KLHDC1: variants seen among roughly 807,000 people sequenced by gnomAD.
KLHDC1 encodes kelch domain containing 1.
KLHDC1 carries 53 observed loss-of-function variants against 68.3 expected under a neutral mutation model. That is an observed-to-expected ratio of 0.78 (90% confidence interval 0.62 to 0.98). The LOEUF (loss-of-function observed/expected upper bound fraction) is 0.98. Ranked by LOEUF, KLHDC1 falls within the 50% of genes least tolerant of loss-of-function variation. The pLI is 0.00. For missense variants in KLHDC1, 470 were observed against 492.3 expected (o/e 0.95, Z 0.43); for synonymous variants, 148 against 159.0 (o/e 0.93, Z 0.52).
At chr14:49,717,442 G>A (rs1888408830) in intron 4 of KLHDC1, among the ~76,000 whole-genome samples, 1 of 152,046 alleles carries the variant, frequency 6.6e-6, no homozygotes, top group Non-Finnish European at 1.5e-5. Flanking sequence ...ATTTCATTGT[G>A]GTTTTGATTT....
chr14:49,743,803 C>G lies in KLHDC1; in HGVS notation c.1032C>G (p.Leu344=). The change falls in exon 12 of 13, where the codon CTC becomes CTG. Residue 344 remains leucine (L), a splice_region_variant and synonymous_variant. Transcript: ENST00000359332. The part of the protein sequence containing the change: ...LIFQTQPYSL[L]RSCLDCIGKN... ...TTCAAACACAGCCTTATTCACTACT[C>G]AGGTAAGCAAATTTAATATTTTCTA... 6.5e-7 allele frequency: 1 copy of G among 1,534,056 alleles called. No individual in the cohort carries two copies. The highest frequency in any genetic ancestry group is 9.0e-7 in the Non-Finnish European group (1 of 1,113,300).
chr14:49,709,100 C>T, intron 1 of KLHDC1, 59 bp from the exon 2 acceptor site: 1 of 713,158 alleles, frequency 1.4e-6, no homozygotes, highest in Non-Finnish European at 2.4e-6. Flanking sequence ...TCCTGAGAAG[C>T]TGTGTAACTG....
intron 11 of KLHDC1, among the ~76,000 whole-genome samples, chr14:49,742,856 C>T (rs1159164847): frequency 6.6e-6 from 1 of 151,520 alleles, no homozygotes; most frequent in Non-Finnish European, 1.5e-5. Flanking sequence ...AGGCTGAGGC[C>T]GGCAGACTGC....
At chr14:49,713,832 ATATATATATATATATATATTTTTT>A (rs1415794824) in intron 4 of KLHDC1, among the ~76,000 whole-genome samples, 2 of 1,960 alleles carry the variant, frequency 1.0e-3, no homozygotes, top group East Asian at 0.025. Flanking sequence ...ATATATATAT[ATATATATATATATATATATTTTTT>A]TTTTTTTTTT....
intron 1 of KLHDC1, among the ~76,000 whole-genome samples, chr14:49,694,927 C>G (rs1250290942): frequency 3.3e-5 from 5 of 152,152 alleles, no homozygotes. Context: ...ATTATCTGAG[C>G]CTTCAGCGAG....
chr14:49,711,740 T>A (rs749815363), intron 4 of KLHDC1, among the ~76,000 whole-genome samples: 3 of 152,078 alleles, frequency 2.0e-5, no homozygotes, highest in Non-Finnish European at 4.4e-5. Context: ...GTTTTCTTCA[T>A]TGCTAATTAT....
intron 1 of KLHDC1, among the ~76,000 whole-genome samples, chr14:49,705,537 T>G (rs1193192452): frequency 2.0e-5 from 3 of 151,478 alleles, no homozygotes; most frequent in Non-Finnish European, 4.4e-5. Context: ...CCTGGCTAAT[T>G]TTTTTGTATT....
chr14:49,704,365 T>C (rs1036781676), intron 1 of KLHDC1, among the ~76,000 whole-genome samples: 20 of 150,572 alleles, frequency 1.3e-4, no homozygotes, highest in Admixed American at 4.0e-4. Context: ...ATAGCTTGTC[T>C]TTTTATTTTT....
At chr14:49,715,765 A>AAAATATATAT (rs1888360062) in intron 4 of KLHDC1, among the ~76,000 whole-genome samples, 1 of 51,396 alleles carries the variant, frequency 1.9e-5, no homozygotes, top group African/African-American at 9.2e-5. Flanking sequence ...AAAAAAAAAA[A>AAAATATATAT]ATATATATAT....
At chr14:49,703,054 T>C (rs1887951841) in intron 1 of KLHDC1, among the ~76,000 whole-genome samples, 1 of 151,172 alleles carries the variant, frequency 6.6e-6, no homozygotes, top group Non-Finnish European at 1.5e-5. Flanking sequence ...AAATTTTATT[T>C]ACTTAATTTT....
At chr14:49,735,592 T>A (rs1310770814) in intron 10 of KLHDC1, among the ~76,000 whole-genome samples, 1 of 152,126 alleles carries the variant, frequency 6.6e-6, no homozygotes, top group African/African-American at 2.4e-5. Context: ...ACTTTAACAT[T>A]TCTGGCTCTT....
At chr14:49,710,513 G>C in intron 4 of KLHDC1, 132 bp downstream of exon 4, 1 of 569,538 alleles carries the variant, frequency 1.8e-6, no homozygotes, top group South Asian at 2.2e-5. Context: ...ATCAATATCT[G>C]ACAATGCCCG....
intron 2 of KLHDC1, 91 bp from the exon 3 acceptor site, chr14:49,709,617 GT>G (rs1888146095): frequency 1.6e-6 from 1 of 614,324 alleles, no homozygotes; most frequent in Non-Finnish European, 2.8e-6. Context: ...GACAGTGACA[GT>G]TTTCACTGAC....
Position 49,701,198 on chromosome 14 carries a change from T to C in KLHDC1, c.96+7908T>C, listed in dbSNP as rs183123836. 1.6e-4 allele frequency among the ~76,000 whole-genome samples: 24 copies of C among 152,300 alleles called. No homozygotes were observed. In the East Asian group the frequency reaches 3.5e-3, roughly 22 times the overall value. ...TCAAATCTGGGAAAATGATCACTTA[T>C]GCAATAAATGATCCTAGGATAGCTA... On this transcript the variant is annotated intron_variant, in intron 1 of 12. Transcript: ENST00000359332.
intron 6 of KLHDC1, among the ~76,000 whole-genome samples, chr14:49,726,449 A>C (rs1257717508): frequency 1.3e-5 from 2 of 152,180 alleles, no homozygotes; most frequent in South Asian, 2.1e-4. Context: ...TCTCCATGTC[A>C]GCTAAGGTTT....
chr14:49,740,033 T>G (rs908222802), intron 10 of KLHDC1, 65 bp from the exon 11 acceptor site: 3 of 854,876 alleles, frequency 3.5e-6, no homozygotes, highest in Admixed American at 4.8e-5. Context: ...TTAGAATTGA[T>G]TTATATATAA....
intron 4 of KLHDC1, among the ~76,000 whole-genome samples, chr14:49,714,943 A>G (rs918919374): frequency 6.8e-6 from 1 of 147,450 alleles, no homozygotes; most frequent in Non-Finnish European, 1.5e-5. Context: ...AATTACATAT[A>G]TACTTTATTT....
At chr14:49,712,502 C>CTTTTTT (rs776185436) in intron 4 of KLHDC1, among the ~76,000 whole-genome samples, 1 of 133,676 alleles carries the variant, frequency 7.5e-6, no homozygotes, top group African/African-American at 2.7e-5. Context: ...CATAGATTTT[C>CTTTTTT]TTTTTTTTTT....
intron 1 of KLHDC1, 103 bp downstream of exon 1, chr14:49,693,393 T>A: frequency 2.5e-6 from 2 of 809,912 alleles, no homozygotes; most frequent in Non-Finnish European, 3.4e-6. Flanking sequence ...GGCCCAGGCC[T>A]GGCGCGCCCG....
Sources: gnomAD v4.1 joint callset for allele counts (sites outside exome capture counted in the v4.1 genomes callset) on GRCh38, gnomAD v4.1.1 for gene constraint, MANE v1.5 for transcripts, NCBI Gene and HGNC (gene_info 2026-07-23, HGNC 2026-07-21) for gene names.